SAMM50: variants seen among roughly 807,000 people sequenced by gnomAD.
The protein encoded by SAMM50 is sorting and assembly machinery component 50 homolog.
Under a neutral mutation model 66.9 loss-of-function variants are expected in SAMM50, and 47 were observed. The observed-to-expected ratio is 0.70, with a 90% CI of 0.56 to 0.90. SAMM50 has a LOEUF of 0.90. Among genes scored for constraint, SAMM50 ranks in the 40% least tolerant of loss-of-function variants. The pLI, the probability that SAMM50 is intolerant of heterozygous loss-of-function variation, is 0.00. For missense variants in SAMM50, 535 were observed against 595.3 expected, an observed-to-expected ratio of 0.90 and a Z score of 1.05; for synonymous variants, 191 against 214.1, an observed-to-expected ratio of 0.89 and a Z score of 0.94.
chr22:43,976,527 G>A (rs185661330), intron 8 of SAMM50, among the ~76,000 whole-genome samples: 96 of 152,322 alleles, frequency 6.3e-4, no homozygotes, highest in Non-Finnish European at 9.3e-4. Context: ...TAGTGAGCAG[G>A]AATCGTTTAT....
chr22:43,975,866 T>A, intron 7 of SAMM50, 189 bp from the exon 8 acceptor site: 1 of 596,486 alleles, frequency 1.7e-6, no homozygotes, highest in Non-Finnish European at 2.9e-6. Context: ...TCCCCCTTTC[T>A]TCCTTTGTCC....
rs770786826 is a variant in SAMM50, at chr22:43,990,357, C to T, written c.1315C>T (p.Arg439Trp). 24 of 1,613,996 alleles carry T rather than the reference C, an allele frequency of 1.5e-5. No individual in the cohort carries two copies. The highest frequency in any genetic ancestry group is 9.3e-5 in the African/African-American group (7 of 74,912). The change falls in exon 14 of 15, where the codon CGG becomes TGG. Residue 439 changes from arginine (R) to tryptophan (W), a missense_variant. Arg to Trp is a moderately radical substitution (Grantham distance 101, BLOSUM62 -3). Coordinates refer to ENST00000350028, the MANE Select transcript of SAMM50 (RefSeq NM_015380.5). ...TGTCCTCAGGCTTGGCAACATCGCTCGGTTGGAACTTAATTACTGCGTCCC... is the reference window on the plus strand; with the variant it reads ...TGTCCTCAGGCTTGGCAACATCGCTTGGTTGGAACTTAATTACTGCGTCCC... ...GIVLRLGNIA[R>W]LELNYCVPMG...
intron 10 of SAMM50, among the ~76,000 whole-genome samples, chr22:43,979,079 T>C (rs909747867): frequency 6.6e-6 from 1 of 152,114 alleles, no homozygotes; most frequent in Non-Finnish European, 1.5e-5. Flanking sequence ...TCACTTTATC[T>C]CTCTTGTTTT....
chr22:43,991,605 A>C (rs750359185), intron 14 of SAMM50, among the ~76,000 whole-genome samples: 5 of 152,196 alleles, frequency 3.3e-5, no homozygotes, highest in African/African-American at 4.8e-5. Flanking sequence ...ACGTGTTTTC[A>C]TTATAGTGTA....
intron 10 of SAMM50, 89 bp downstream of exon 10, chr22:43,978,047 C>T (rs1195980673): frequency 1.2e-6 from 1 of 866,394 alleles, no homozygotes; most frequent in Non-Finnish European, 1.9e-6. Flanking sequence ...ATATCTAAAG[C>T]ACAGAGTGGA....
rs373227001 is a variant in SAMM50, at chr22:43,979,142, C to G, written c.936+1184C>G. Among the ~76,000 whole-genome samples, 65 of 152,334 alleles carry G rather than the reference C, an allele frequency of 4.3e-4. No homozygotes were observed. The South Asian group carries it at 0.013, about 30-fold the overall frequency. Reference sequence around the variant, plus strand: ...ACTCCTCAGTTTTCTCTTCTCAGGGCCCTTTCTGCCTCATAGGCATGGCTT... The same window carrying G: ...ACTCCTCAGTTTTCTCTTCTCAGGGGCCTTTCTGCCTCATAGGCATGGCTT... On this transcript the variant is annotated intron_variant, in intron 10 of 14. Transcript: ENST00000350028.
rs757207629 is a variant in SAMM50 at position 43,973,243 on chromosome 22, G to A, written c.568G>A (p.Val190Ile). 49 of 1,594,296 alleles carry A rather than the reference G, an allele frequency of 3.1e-5. No homozygotes were observed. The highest frequency in any genetic ancestry group is 4.0e-5 in the Non-Finnish European group (46 of 1,162,188). Residue 190 changes from valine to isoleucine, a missense_variant, in exon 7 of 15, where the codon GTA becomes ATA. Val to Ile is a conservative substitution (Grantham distance 29). Transcript: ENST00000350028. The part of the protein sequence containing the change: ...RPGNFERNFS[V>I]NLYKVTGQFP... ...TATCCCATTGTCTCCTAGTTTCTCT[G>A]TAAACTTATATAAAGTTACTGGACA...
intron 1 of SAMM50, among the ~76,000 whole-genome samples, chr22:43,961,552 C>A (rs956533610): frequency 6.6e-6 from 1 of 152,064 alleles, no homozygotes; most frequent in Non-Finnish European, 1.5e-5. Context: ...TGGGTTCAAG[C>A]GATTCTCCTG....
intron 1 of SAMM50, among the ~76,000 whole-genome samples, chr22:43,957,508 C>T (rs968371146): frequency 1.3e-5 from 2 of 152,200 alleles, no homozygotes; most frequent in East Asian, 1.9e-4. Context: ...CTGCAACCTC[C>T]GCCTCCCAGG....
chr22:43,989,095 C>T lies in SAMM50; in HGVS notation c.1076-16C>T. 1 of 1,605,528 alleles carries T rather than the reference C, an allele frequency of 6.2e-7. No individual in the cohort carries two copies. On this transcript the variant is annotated splice_polypyrimidine_tract_variant and intron_variant, in intron 12 of 14. Transcript: ENST00000350028. Reference sequence around the variant, plus strand: ...TGTCGGACCTTGTTTTTGTTCTGCACCCCTCCTTTGCTTAGGAGACTACCT... The same window carrying T: ...TGTCGGACCTTGTTTTTGTTCTGCATCCCTCCTTTGCTTAGGAGACTACCT...
intron 7 of SAMM50, chr22:43,974,541 C>A (rs1295427403): frequency 1.3e-5 from 2 of 152,302 alleles, no homozygotes; most frequent in Non-Finnish European, 2.9e-5. Flanking sequence ...AGAGCTGGGC[C>A]AGGTAGACTC....
chr22:43,980,997 G>C (rs2050261884), intron 10 of SAMM50, among the ~76,000 whole-genome samples: 1 of 152,198 alleles, frequency 6.6e-6, no homozygotes, highest in Non-Finnish European at 1.5e-5. Flanking sequence ...CGTGTGCCCT[G>C]AATCCTTCCA....
chr22:43,988,997 C>A, intron 12 of SAMM50, 114 bp from the exon 13 acceptor site: 1 of 983,574 alleles, frequency 1.0e-6, no homozygotes, highest in Non-Finnish European at 1.5e-6. Flanking sequence ...CAAACTCCAG[C>A]ACTGTGTGGC....
intron 1 of SAMM50, among the ~76,000 whole-genome samples, chr22:43,959,502 T>A (rs2050137474): frequency 1.6e-5 from 1 of 61,494 alleles, no homozygotes. Context: ...TTTATTTTTT[T>A]ATATTACACA....
intron 4 of SAMM50, among the ~76,000 whole-genome samples, chr22:43,971,542 G>A (rs2050203814): frequency 6.6e-6 from 1 of 152,194 alleles, no homozygotes; most frequent in Non-Finnish European, 1.5e-5. Flanking sequence ...TGTCATGTGA[G>A]TTCCCCATTT....
chr22:43,977,940 G>C lies in SAMM50; in HGVS notation c.918G>C (p.Lys306Asn). 6.2e-7 allele frequency: 1 copy of C among 1,612,396 alleles called. No homozygotes were observed. The highest frequency in any genetic ancestry group is 2.2e-5 in the East Asian group (1 of 44,852). ...AAGATTTTGAACTTCAGTTGAACAA[G>C]CAACTCATATTTGATTCAGTGAGTA... ...IKEDFELQLN[K>N]QLIFDSVFSA... is the part of the protein sequence containing the mutation. Residue 306 changes from lysine to asparagine, a missense_variant, in exon 10 of 15, where the codon AAG becomes AAC. Coordinates refer to ENST00000350028, the MANE Select transcript of SAMM50 (RefSeq NM_015380.5).
chr22:43,982,882 C>T (rs2050272121), intron 11 of SAMM50, among the ~76,000 whole-genome samples: 1 of 152,184 alleles, frequency 6.6e-6, no homozygotes, highest in Admixed American at 6.5e-5. Context: ...GTGATGCGCC[C>T]ACCTCAGCCT....
At chr22:43,957,100 C>G in intron 1 of SAMM50, 1 of 972,262 alleles carries the variant, frequency 1.0e-6, no homozygotes, top group Non-Finnish European at 1.7e-6. Flanking sequence ...AGGGAGCACA[C>G]AGCTCTTCTT....
At chr22:43,990,201 G>A in intron 13 of SAMM50, 64 bp from the exon 14 acceptor site, 1 of 1,598,232 alleles carries the variant, frequency 6.3e-7, no homozygotes, top group Non-Finnish European at 8.6e-7. Context: ...GGCTTGTCTG[G>A]GAGAGCTGGG....
Sources: allele counts gnomAD v4.1 joint callset (sites outside exome capture counted in the v4.1 genomes callset), GRCh38; gene constraint gnomAD v4.1.1; transcripts MANE v1.5; gene names NCBI Gene and HGNC (gene_info 2026-07-23, HGNC 2026-07-21).